The following TPD52 variants were observed in gnomAD, a reference collection of about 807,000 sequenced individuals.
TPD52 encodes prostate and colon associated protein.
A neutral mutation model predicts 31.3 loss-of-function variants in TPD52; 17 were observed. That is an observed-to-expected ratio of 0.54 (90% CI 0.37 to 0.82). The LOEUF (loss-of-function observed/expected upper bound fraction) is 0.82, where lower values mean the gene tolerates loss of function less well. TPD52 is among the 40% of genes least tolerant of loss of function. The probability of loss-of-function intolerance (pLI) is 0.00; values close to 1 mark genes in which losing one functional copy is unlikely to be tolerated. For missense variants in TPD52, 212 were observed against 240.1 expected (o/e 0.88, Z 0.77); for synonymous variants, 83 against 89.6 (o/e 0.93, Z 0.42).
intron 1 of TPD52, among the ~76,000 whole-genome samples, chr8:80,074,900 C>A (rs775507037): frequency 2.0e-5 from 3 of 152,204 alleles, no homozygotes; most frequent in Non-Finnish European, 4.4e-5. Flanking sequence ...AAGAAAAAAA[C>A]TGAGAAAACT....
chr8:80,078,346 T>A (rs970741390), intron 1 of TPD52, among the ~76,000 whole-genome samples: 1 of 152,292 alleles, frequency 6.6e-6, no homozygotes, highest in African/African-American at 2.4e-5. Flanking sequence ...TCTGTATTAC[T>A]TGTCTGGTGA....
intron 2 of TPD52, among the ~76,000 whole-genome samples, chr8:80,053,826 A>G (rs764267237): frequency 6.6e-5 from 10 of 152,204 alleles, no homozygotes; most frequent in Non-Finnish European, 1.5e-4. Context: ...CTGAATGCCT[A>G]CAAAACTTGT....
intron 7 of TPD52, among the ~76,000 whole-genome samples, chr8:80,041,590 A>C (rs1448436070): frequency 6.6e-6 from 1 of 152,166 alleles, no homozygotes; most frequent in Non-Finnish European, 1.5e-5. Context: ...TGATCCTAAG[A>C]GTTGATGATT....
At chr8:80,088,027 A>G (rs1335178872) in intron 1 of TPD52, among the ~76,000 whole-genome samples, 10 of 152,188 alleles carry the variant, frequency 6.6e-5, no homozygotes, top group Non-Finnish European at 1.5e-4. Context: ...CCTATTTTTC[A>G]GAGGGGAAAC....
intron 1 of TPD52, among the ~76,000 whole-genome samples, chr8:80,075,417 C>T (rs780051321): frequency 4.6e-4 from 70 of 152,322 alleles, no homozygotes; most frequent in Non-Finnish European, 8.7e-4. Flanking sequence ...GGACCCTGAA[C>T]AGTGGTCAAT....
intron 1 of TPD52, 24 bp from the exon 2 acceptor site, chr8:80,064,617 T>A: frequency 6.3e-7 from 1 of 1,575,526 alleles, no homozygotes; most frequent in Non-Finnish European, 8.7e-7. Flanking sequence ...TAAACCATTT[T>A]TTAAAGTGCA....
intron 1 of TPD52, among the ~76,000 whole-genome samples, chr8:80,108,985 G>T (rs1280258560): frequency 6.6e-6 from 1 of 152,160 alleles, no homozygotes; most frequent in Non-Finnish European, 1.5e-5. Flanking sequence ...AGTTCAAAAA[G>T]AATCTGTTCT....
intron 1 of TPD52, among the ~76,000 whole-genome samples, chr8:80,121,197 G>C (rs538910337): frequency 7.9e-5 from 12 of 151,848 alleles, no homozygotes; most frequent in African/African-American, 2.7e-4. Context: ...TTATCAAGAC[G>C]TCAAAAGTCA....
At chr8:80,082,367 T>TG (rs994892693) in intron 1 of TPD52, among the ~76,000 whole-genome samples, 2 of 152,198 alleles carry the variant, frequency 1.3e-5, no homozygotes, top group African/African-American at 4.8e-5. Context: ...ATGAGGTCCC[T>TG]GGCCCTCTCC....
intron 1 of TPD52, among the ~76,000 whole-genome samples, chr8:80,124,184 TAGAC>T (rs1188779299): frequency 7.0e-6 from 1 of 143,392 alleles, no homozygotes; most frequent in Admixed American, 7.0e-5. Context: ...TTTTTTTTTT[TAGAC>T]AGGGTCTCAC....
chr8:80,136,277 C>T (rs549696315), intron 1 of TPD52, among the ~76,000 whole-genome samples: 13 of 151,076 alleles, frequency 8.6e-5, no homozygotes, highest in Admixed American at 7.2e-4. Flanking sequence ...GTAATCCCAG[C>T]ACTTTGGGAA....
chr8:80,135,640 C>G (rs1051785679), intron 1 of TPD52, among the ~76,000 whole-genome samples: 1 of 150,656 alleles, frequency 6.6e-6, no homozygotes, highest in African/African-American at 2.4e-5. Flanking sequence ...GGGTATATAC[C>G]CAAAGGACTA....
At chr8:80,168,241 G>GA (rs761391173) in intron 1 of TPD52, among the ~76,000 whole-genome samples, 47 of 152,178 alleles carry the variant, frequency 3.1e-4, no homozygotes, top group Non-Finnish European at 5.4e-4. Flanking sequence ...AAAACATAAG[G>GA]AAAACTCAGT....
chr8:80,120,641 CCTT>C (rs1320873626), intron 1 of TPD52, among the ~76,000 whole-genome samples: 3 of 152,140 alleles, frequency 2.0e-5, no homozygotes, highest in African/African-American at 7.2e-5. Context: ...TGTCATTTGA[CCTT>C]CTTCAGTTAG....
chr8:80,069,631 AAAT>A (rs1813547050), intron 1 of TPD52, among the ~76,000 whole-genome samples: 1 of 152,050 alleles, frequency 6.6e-6, no homozygotes. Context: ...TCTCTACTAA[AAAT>A]AATTTTTAAA....
chr8:80,048,135 G>A (rs1811049121), intron 5 of TPD52, among the ~76,000 whole-genome samples: 1 of 152,132 alleles, frequency 6.6e-6, no homozygotes, highest in African/African-American at 2.4e-5. Context: ...GGCCTCCCAG[G>A]ACAGCACTCA....
intron 1 of TPD52, among the ~76,000 whole-genome samples, chr8:80,128,795 C>T (rs933885586): frequency 6.6e-6 from 1 of 151,586 alleles, no homozygotes; most frequent in Non-Finnish European, 1.5e-5. Context: ...ATTACCATTT[C>T]CATCAAAATT....
At chr8:80,117,033 C>T (rs1396873324) in intron 1 of TPD52, among the ~76,000 whole-genome samples, 1 of 152,114 alleles carries the variant, frequency 6.6e-6, no homozygotes, top group African/African-American at 2.4e-5. Flanking sequence ...CTATGGAAAA[C>T]CGCAGCTAAC....
intron 2 of TPD52, among the ~76,000 whole-genome samples, chr8:80,054,085 G>T (rs544250752): frequency 1.3e-5 from 2 of 152,278 alleles, no homozygotes; most frequent in East Asian, 1.9e-4. Flanking sequence ...GTTAGAGGTG[G>T]GCCCTGACCC....
Sources: gnomAD v4.1 joint callset for allele counts (sites outside exome capture counted in the v4.1 genomes callset) on GRCh38, gnomAD v4.1.1 for gene constraint, MANE v1.5 for transcripts, NCBI Gene and HGNC (gene_info 2026-07-23, HGNC 2026-07-21) for gene names.